MOXD1: variants seen among roughly 807,000 people sequenced by gnomAD.
MOXD1 encodes monooxygenase DBH like 1.
Under a neutral mutation model 66.6 loss-of-function variants are expected in MOXD1, and 62 were observed. The observed-to-expected ratio is 0.93, with a 90% CI of 0.76 to 1.15. MOXD1 has a LOEUF of 1.15. Ranked by LOEUF, MOXD1 falls within the 50% of genes most tolerant of loss-of-function variation. The pLI is 0.00. For missense variants in MOXD1, 847 were observed against 754.6 expected, an observed-to-expected ratio of 1.12 and a Z score of -1.44; for synonymous variants, 303 against 281.9, an observed-to-expected ratio of 1.07 and a Z score of -0.75.
chr6:132,378,875 CTTTTTTTTTTTTTTTTTTTTTTT>C (rs3038136), intron 1 of MOXD1, among the ~76,000 whole-genome samples: 473 of 41,918 alleles, frequency 0.011, 11 homozygotes, highest in African/African-American at 0.024. Context: ...AACACTTCCT[CTTTTTTTTTTTTTTTTTTTTTTT>C]TTTTTTTTTT....
At chr6:132,301,581 T>TAGAGAA (rs1264173139) in intron 10 of MOXD1, among the ~76,000 whole-genome samples, 1 of 151,850 alleles carries the variant, frequency 6.6e-6, no homozygotes, top group Non-Finnish European at 1.5e-5. Flanking sequence ...TTTCTCGGGG[T>TAGAGAA]AGAGAAGGAG....
In MOXD1 at chr6:132,315,905, T is replaced by C. The variant is rs553700086; in HGVS notation, c.1366-128A>G. 6 of 963,636 alleles carry C rather than the reference T, an allele frequency of 6.2e-6. No individual in the cohort carries two copies. The East Asian group carries it at 1.6e-4, about 26-fold the overall frequency. The allele number at this position is 963,636 out of a possible 1,614,324, so 59.7% of individuals were successfully genotyped here. A position where few individuals can be genotyped will look rare whatever the true frequency, so the allele number is the denominator to read the frequency against. ...TTAATACATCTTAAAGCTGAAAAGTTAAAAAACTGGCTTTTTAGAAAGGTA... is the reference window on the plus strand; with the variant it reads ...TTAATACATCTTAAAGCTGAAAAGTCAAAAAACTGGCTTTTTAGAAAGGTA... On this transcript the variant is annotated intron_variant, in intron 9 of 11. Coordinates refer to ENST00000367963, the MANE Select transcript of MOXD1 (RefSeq NM_015529.4).
intron 4 of MOXD1, among the ~76,000 whole-genome samples, chr6:132,367,794 C>A (rs1314997039): frequency 6.6e-6 from 1 of 151,956 alleles, no homozygotes; most frequent in Non-Finnish European, 1.5e-5. Flanking sequence ...AAATACTGAA[C>A]TGTGTGTGGC....
chr6:132,397,787 C>G (rs1043996198), intron 1 of MOXD1, among the ~76,000 whole-genome samples: 6 of 151,964 alleles, frequency 3.9e-5, no homozygotes, highest in African/African-American at 1.5e-4. Flanking sequence ...ATTTACATTC[C>G]TTTTTAACAG....
At chr6:132,387,493 C>T (rs978101703) in intron 1 of MOXD1, among the ~76,000 whole-genome samples, 21 of 150,890 alleles carry the variant, frequency 1.4e-4, no homozygotes, top group African/African-American at 4.8e-4. Context: ...GTAGCTCACA[C>T]CTGTAATTTC....
intron 4 of MOXD1, among the ~76,000 whole-genome samples, chr6:132,364,049 A>T (rs920883195): frequency 6.6e-6 from 1 of 152,092 alleles, no homozygotes; most frequent in Non-Finnish European, 1.5e-5. Flanking sequence ...AAGAAAAATT[A>T]AAAAATAAAA....
intron 9 of MOXD1, among the ~76,000 whole-genome samples, chr6:132,318,473 T>C (rs1775004686): frequency 1.3e-5 from 2 of 152,076 alleles, no homozygotes; most frequent in Non-Finnish European, 2.9e-5. Flanking sequence ...ATTATATGGG[T>C]TGTTATTTCT....
At chr6:132,360,985 A>G (rs1776007653) in intron 4 of MOXD1, among the ~76,000 whole-genome samples, 1 of 152,208 alleles carries the variant, frequency 6.6e-6, no homozygotes, top group South Asian at 2.1e-4. Flanking sequence ...CTATGGGAGC[A>G]TTATTAACAG....
chr6:132,310,220 T>G (rs1224990428), intron 10 of MOXD1, among the ~76,000 whole-genome samples: 1 of 152,162 alleles, frequency 6.6e-6, no homozygotes, highest in African/African-American at 2.4e-5. Flanking sequence ...AAAGAAGACA[T>G]TTATGTGGCC....
At position 132,333,814 on chromosome 6, in the gene MOXD1, C is replaced by T. The variant is rs142567712; in HGVS notation, c.664-5220G>A. On this transcript the variant is annotated intron_variant, in intron 4 of 11. Coordinates refer to ENST00000367963, the MANE Select transcript of MOXD1 (RefSeq NM_015529.4). ...GACCAGGCAAGGAGGGCCTGGCAGC[C>T]GTGGGTTATTTATTAACTACTGTGT... 3.0e-3 allele frequency among the ~76,000 whole-genome samples: 452 copies of T among 152,230 alleles called. 4 individuals are homozygous for T. Among genetic ancestry groups the T allele is most frequent in the African/African-American group, 0.01 (419 of 41,548 alleles).
intron 1 of MOXD1, chr6:132,392,061 G>A (rs1412355965): frequency 1.1e-6 from 1 of 931,056 alleles, no homozygotes; most frequent in Non-Finnish European, 1.6e-6. Context: ...TGTCAGGGTT[G>A]CACACTCTCT....
At chr6:132,300,531 C>T (rs1057021060) in intron 10 of MOXD1, among the ~76,000 whole-genome samples, 19 of 152,148 alleles carry the variant, frequency 1.2e-4, no homozygotes, top group African/African-American at 4.3e-4. Flanking sequence ...CAAGGTGGCA[C>T]GACAGCTTTA....
Position 132,297,034 on chromosome 6 carries a change from A to G in MOXD1, c.*119T>C. The G allele has an allele frequency of 1.0e-6, 1 of 996,430 alleles. No individual in the cohort carries two copies. Among genetic ancestry groups the G allele is most frequent in the Non-Finnish European group, 1.5e-6 (1 of 685,954 alleles). The allele number at this position is 996,430 out of a possible 1,614,324, so 61.7% of individuals were successfully genotyped here. On this transcript the variant is annotated 3_prime_UTR_variant, in exon 12 of 12. Transcript: ENST00000367963. ...CATGGAAAGGAAAAAGGAGGGAGGG[A>G]AAATGGGGAAGAAAAGTCTCCACAC...
Position 132,349,478 on chromosome 6 carries a change from TATAC to T in MOXD1, c.664-20888_664-20885del, listed in dbSNP as rs1376331665. 7.6e-5 allele frequency among the ~76,000 whole-genome samples: 3 copies of T among 39,684 alleles called. 1 individual carries two copies. Among genetic ancestry groups the T allele is most frequent in the Admixed American group, 3.6e-4 (1 of 2,780 alleles). 26.0% of individuals were successfully genotyped at this position (39,684 alleles called of 152,430 possible). On this transcript the variant is annotated intron_variant, in intron 4 of 11. Transcript: ENST00000367963. ...ATATATATATATACATATATATATA[TATAC>T]ATATATATATATACCACAGTTTCTT... is the stretch of plus-strand genomic sequence containing the variant.
At chr6:132,397,071 G>A (rs975982615) in intron 1 of MOXD1, among the ~76,000 whole-genome samples, 1 of 152,106 alleles carries the variant, frequency 6.6e-6, no homozygotes, top group African/African-American at 2.4e-5. Context: ...TCCCTCTTGG[G>A]ACCTGCCACC....
chr6:132,336,422 G>A (rs1211606600), intron 4 of MOXD1, among the ~76,000 whole-genome samples: 7 of 152,220 alleles, frequency 4.6e-5, no homozygotes, highest in South Asian at 2.1e-4. Flanking sequence ...ATATGATCAT[G>A]CTGACATGCT....
intron 1 of MOXD1, among the ~76,000 whole-genome samples, chr6:132,393,658 A>G (rs1776814069): frequency 6.6e-6 from 1 of 152,080 alleles, no homozygotes; most frequent in Non-Finnish European, 1.5e-5. Flanking sequence ...GAGTCCTACA[A>G]ACCCCCAAGT....
chr6:132,347,872 G>C (rs571017196), intron 4 of MOXD1, among the ~76,000 whole-genome samples: 85 of 152,010 alleles, frequency 5.6e-4, no homozygotes, highest in African/African-American at 1.9e-3. Flanking sequence ...GACTTTTTTA[G>C]TTCTCACTCT....
In MOXD1 at chr6:132,306,695, G is replaced by A. The variant is rs145844743; in HGVS notation, c.1509-8740C>T. ...GAAACTCTACAAGCCAGAAGAGATTGGGGGCCAATATTCAACATTCTTAAA... is the reference window on the plus strand; with the variant it reads ...GAAACTCTACAAGCCAGAAGAGATTAGGGGCCAATATTCAACATTCTTAAA... On this transcript the variant is annotated intron_variant, in intron 10 of 11. Transcript: ENST00000367963. Among the ~76,000 whole-genome samples, 175 of 152,236 alleles carry A rather than the reference G, an allele frequency of 1.1e-3. 1 individual carries two copies. In the East Asian group the frequency reaches 0.033, roughly 29 times the overall value.
Sources: gnomAD v4.1 joint callset for allele counts (sites outside exome capture counted in the v4.1 genomes callset) on GRCh38, gnomAD v4.1.1 for gene constraint, MANE v1.5 for transcripts, NCBI Gene and HGNC (gene_info 2026-07-23, HGNC 2026-07-21) for gene names.